The following CMSS1 variants were observed in gnomAD, a reference collection of about 807,000 sequenced individuals.
CMSS1 encodes protein CMSS1.
CMSS1 carries 33 observed loss-of-function variants against 43.5 expected under a neutral mutation model. The ratio of observed to expected loss-of-function variants is 0.76; its 90% CI spans 0.57 to 1.01. The LOEUF (loss-of-function observed/expected upper bound fraction) is 1.01, where lower values mean the gene tolerates loss of function less well. CMSS1 is among the 50% of genes least tolerant of loss of function. The pLI, the probability that CMSS1 is intolerant of heterozygous loss-of-function variation, is 0.00. For synonymous variants in CMSS1, 115 were observed against 117.2 expected, an observed-to-expected ratio of 0.98 and a Z score of 0.12; for missense variants, 313 against 326.4, an observed-to-expected ratio of 0.96 and a Z score of 0.32.
Position 99,895,240 on chromosome 3 carries a change from A to G in CMSS1, c.64+77197A>G, listed in dbSNP as rs556420718. Reference sequence around the variant, plus strand: ...CTGTCTCAGGTTCAAGCATGATAGCATGTTCTTTTAGGCAACTTGCAGTCA... The same window carrying G: ...CTGTCTCAGGTTCAAGCATGATAGCGTGTTCTTTTAGGCAACTTGCAGTCA... On this transcript the variant is annotated intron_variant, in intron 1 of 9. Coordinates refer to ENST00000421999, the MANE Select transcript of CMSS1 (RefSeq NM_032359.4). Among the ~76,000 whole-genome samples the G allele has an allele frequency of 3.3e-5, 5 of 152,284 alleles. No homozygotes were observed. In the East Asian group the frequency reaches 9.7e-4, roughly 29 times the overall value.
intron 1 of CMSS1, among the ~76,000 whole-genome samples, chr3:99,885,052 C>T (rs1188858435): frequency 6.6e-6 from 1 of 152,210 alleles, no homozygotes; most frequent in African/African-American, 2.4e-5. Flanking sequence ...ACTGCAGGAG[C>T]AGAGTTTCCT....
chr3:99,940,096 T>G (rs769324413), intron 1 of CMSS1, among the ~76,000 whole-genome samples: 1 of 152,214 alleles, frequency 6.6e-6, no homozygotes, highest in Non-Finnish European at 1.5e-5. Flanking sequence ...AAAAGAAATA[T>G]AAAAATCTTC....
intron 1 of CMSS1, among the ~76,000 whole-genome samples, chr3:99,997,948 AAG>A (rs1709730727): frequency 6.6e-6 from 1 of 152,256 alleles, no homozygotes; most frequent in Non-Finnish European, 1.5e-5. Flanking sequence ...ATCAAGAATC[AAG>A]ATCAAGTTGA....
chr3:99,919,796 G>T (rs1707066645), intron 1 of CMSS1, among the ~76,000 whole-genome samples: 1 of 152,158 alleles, frequency 6.6e-6, no homozygotes, highest in Admixed American at 6.5e-5. Flanking sequence ...GGGAGAGGTG[G>T]AAGTGCTTTG....
rs562590265 is a variant in CMSS1 at position 99,928,914 on chromosome 3, C to T, written c.64+110871C>T. Among the ~76,000 whole-genome samples the T allele has an allele frequency of 2.2e-4, 34 of 152,312 alleles. No individual in the cohort carries two copies. In the South Asian group the frequency reaches 6.8e-3, roughly 31 times the overall value. On this transcript the variant is annotated intron_variant, in intron 1 of 9. Transcript: ENST00000421999. ...TCCTCACCCCGTAGAGAAGCAGATA[C>T]ATATGACCAAACTCCTTCACTATTT...
intron 1 of CMSS1, chr3:100,040,014 AAAT>A (rs1432596160): frequency 1.3e-5 from 2 of 152,160 alleles, no homozygotes; most frequent in Non-Finnish European, 2.9e-5. Context: ...TGGCCTTCCA[AAAT>A]GCTGGGATTA....
intron 1 of CMSS1, among the ~76,000 whole-genome samples, chr3:100,115,594 TC>T (rs1443028168): frequency 1.8e-5 from 1 of 56,162 alleles, no homozygotes; most frequent in Non-Finnish European, 4.1e-5. Flanking sequence ...TCTCTCTCTC[TC>T]TCTCTCTCTC....
At chr3:100,063,743 A>G (rs2065613889) in intron 1 of CMSS1, among the ~76,000 whole-genome samples, 1 of 152,160 alleles carries the variant, frequency 6.6e-6, no homozygotes, top group African/African-American at 2.4e-5. Flanking sequence ...AAAAAAGTCA[A>G]CCTGAATAAA....
At chr3:99,829,217 T>G (rs1942597630) in intron 1 of CMSS1, among the ~76,000 whole-genome samples, 1 of 124,172 alleles carries the variant, frequency 8.1e-6, no homozygotes, top group Non-Finnish European at 1.8e-5. Context: ...ATGTTTAGTG[T>G]CGTTCCATTG....
intron 2 of CMSS1, 95 bp downstream of exon 2, chr3:100,147,156 TTGG>T: frequency 7.4e-7 from 1 of 1,344,620 alleles, no homozygotes; most frequent in Non-Finnish European, 1.0e-6. Flanking sequence ...ATATCGGTTG[TTGG>T]TGGGATTTAA....
At chr3:99,848,345 T>C in intron 1 of CMSS1, 8 of 1,614,206 alleles carry the variant, frequency 5.0e-6, no homozygotes, top group Non-Finnish European at 6.8e-6. Context: ...GTGATAGTAA[T>C]ACTGCTGGTG....
chr3:99,844,985 C>T (rs1312388825), intron 1 of CMSS1, among the ~76,000 whole-genome samples: 1 of 152,184 alleles, frequency 6.6e-6, no homozygotes, highest in African/African-American at 2.4e-5. Context: ...ATAAATTACC[C>T]AGTCTCAGGT....
At chr3:99,976,321 A>G (rs867058936) in intron 1 of CMSS1, among the ~76,000 whole-genome samples, 28 of 152,226 alleles carry the variant, frequency 1.8e-4, no homozygotes, top group African/African-American at 6.5e-4. Context: ...AAATAATTAT[A>G]TAGAATTCAT....
intron 1 of CMSS1, among the ~76,000 whole-genome samples, chr3:100,095,681 T>C (rs964703649): frequency 1.6e-4 from 24 of 152,110 alleles, no homozygotes; most frequent in Admixed American, 6.5e-5. Context: ...CAGGAAAACA[T>C]TGGAGAAACT....
chr3:100,044,152 C>T (rs1025551725), intron 1 of CMSS1, among the ~76,000 whole-genome samples: 2 of 152,106 alleles, frequency 1.3e-5, no homozygotes, highest in Admixed American at 1.3e-4. Context: ...GGGTTCAAAT[C>T]CTGTGACCTT....
At chr3:100,089,001 G>C (rs1244796956) in intron 1 of CMSS1, among the ~76,000 whole-genome samples, 2 of 152,178 alleles carry the variant, frequency 1.3e-5, no homozygotes, top group Non-Finnish European at 2.9e-5. Context: ...ACTCTCCAGA[G>C]AGAAAGTATC....
chr3:99,848,587 G>C, intron 1 of CMSS1: 2 of 1,614,134 alleles, frequency 1.2e-6, no homozygotes, highest in African/African-American at 1.3e-5. Context: ...TCTGAATATC[G>C]CATGCTTGGC....
intron 1 of CMSS1, among the ~76,000 whole-genome samples, chr3:99,925,028 T>C (rs1031754352): frequency 5.9e-5 from 9 of 152,146 alleles, no homozygotes; most frequent in Admixed American, 2.0e-4. Flanking sequence ...ATTAAAGAAA[T>C]GACAGGAAGT....
Position 100,115,823 on chromosome 3 carries a change from C to G in CMSS1, c.65-31150C>G, listed in dbSNP as rs575902198. On this transcript the variant is annotated intron_variant, in intron 1 of 9. Coordinates refer to ENST00000421999, the MANE Select transcript of CMSS1 (RefSeq NM_032359.4). The stretch of plus-strand genomic sequence containing the variant: ...TCCATAGATCCCATTCAACTTTTCA[C>G]CAAATGTCTCAATAATATCCTTTAT... Among the ~76,000 whole-genome samples, 6 of 152,258 alleles carry G rather than the reference C, an allele frequency of 3.9e-5. No individual in the cohort carries two copies. In the South Asian group the frequency reaches 1.2e-3, roughly 32 times the overall value.
Sources: gnomAD v4.1 joint callset for allele counts (sites outside exome capture counted in the v4.1 genomes callset) on GRCh38, gnomAD v4.1.1 for gene constraint, MANE v1.5 for transcripts, NCBI Gene and HGNC (gene_info 2026-07-23, HGNC 2026-07-21) for gene names.